The following PDE1A variants were observed in gnomAD, a reference collection of about 807,000 sequenced individuals.
PDE1A encodes phosphodiesterase 1A.
PDE1A carries 35 observed loss-of-function variants against 61.7 expected under a neutral mutation model. The ratio of observed to expected loss-of-function variants is 0.57; its 90% CI spans 0.43 to 0.75. The LOEUF (loss-of-function observed/expected upper bound fraction) is 0.75. Ranked by LOEUF, PDE1A falls within the 30% of genes least tolerant of loss-of-function variation. The pLI is 0.00. For missense variants in PDE1A, 597 were observed against 630.6 expected (o/e 0.95, Z 0.57); for synonymous variants, 232 against 213.2 (o/e 1.09, Z -0.77).
At chr2:182,659,119 T>C in the PDE1A span, among the ~76,000 whole-genome samples, 1 of 152,186 alleles carries the variant, frequency 6.6e-6, no homozygotes, top group South Asian at 2.1e-4. Context: ...TCCATCTCTC[T>C]ATTTGTAAGT....
chr2:182,599,286 A>G, the PDE1A span, among the ~76,000 whole-genome samples: 1 of 152,146 alleles, frequency 6.6e-6, no homozygotes, highest in Admixed American at 6.5e-5. Flanking sequence ...GCTGTCAACT[A>G]AAGCAGCTGC....
At chr2:182,529,429 G>A in the PDE1A span, among the ~76,000 whole-genome samples, 1 of 152,188 alleles carries the variant, frequency 6.6e-6, no homozygotes, top group Non-Finnish European at 1.5e-5. Context: ...TATCTAGAAA[G>A]TAACTAGCTT....
chr2:182,370,129 A>T (rs1470415186), intron 1 of PDE1A, among the ~76,000 whole-genome samples: 2 of 152,094 alleles, frequency 1.3e-5, no homozygotes, highest in East Asian at 3.9e-4. Context: ...GTGAGCTGAG[A>T]TCACACCACT....
chr2:182,498,159 G>A (rs1447733394), intron 2 of PDE1A, among the ~76,000 whole-genome samples: 2 of 151,328 alleles, frequency 1.3e-5, no homozygotes, highest in Admixed American at 6.6e-5. Context: ...TTTGCAATGC[G>A]AGAAGGCAGC....
chr2:182,619,072 G>A, the PDE1A span, among the ~76,000 whole-genome samples: 803 of 151,438 alleles, frequency 5.3e-3, 22 homozygotes, highest in Admixed American at 0.048. Context: ...CGGGGGCAGG[G>A]TTGGAAGATA....
At chr2:182,481,982 G>C (rs574324438) in intron 2 of PDE1A, among the ~76,000 whole-genome samples, 40 of 151,852 alleles carry the variant, frequency 2.6e-4, no homozygotes, top group Admixed American at 7.2e-4. Flanking sequence ...GGAGATATAC[G>C]ATACCTTTAC....
intron 7 of PDE1A, among the ~76,000 whole-genome samples, chr2:182,219,931 C>G (rs1219473476): frequency 6.6e-6 from 1 of 151,990 alleles, no homozygotes; most frequent in African/African-American, 2.4e-5. Flanking sequence ...TTAATAACAA[C>G]AGAGAAAACA....
At chr2:182,223,061 G>A (rs989257454) in intron 7 of PDE1A, among the ~76,000 whole-genome samples, 2 of 152,030 alleles carry the variant, frequency 1.3e-5, no homozygotes, top group African/African-American at 4.8e-5. Context: ...TATTAAGGGT[G>A]TAATTAAAGT....
chr2:182,387,763 AAAAAAAGAAAG>A lies in PDE1A; in HGVS notation c.53+38804_53+38814del, dbSNP rs550851571. Among the ~76,000 whole-genome samples the A allele has an allele frequency of 6.3e-3, 960 of 151,534 alleles. 10 individuals carry two copies. Among genetic ancestry groups the A allele is most frequent in the African/African-American group, 0.021 (862 of 41,506 alleles). ...CAAGAGTAAAACTCCATCTTAAAAAAAAAAAAGAAAGAAAAAAGAAAGAAAGAATCACTCTA... is the reference window on the plus strand; with the variant it reads ...CAAGAGTAAAACTCCATCTTAAAAAAAAAAAAGAAAGAAAGAATCACTCTA... On this transcript the variant is annotated intron_variant, in intron 1 of 13. Transcript: ENST00000351439.
intron 2 of PDE1A, among the ~76,000 whole-genome samples, chr2:182,451,512 A>G (rs944582556): frequency 6.6e-6 from 1 of 152,128 alleles, no homozygotes; most frequent in African/African-American, 2.4e-5. Flanking sequence ...TCATCAGAAA[A>G]TGCTGTACCT....
chr2:182,407,253 AT>A (rs1424060272), intron 1 of PDE1A, among the ~76,000 whole-genome samples: 1 of 152,232 alleles, frequency 6.6e-6, no homozygotes, highest in Non-Finnish European at 1.5e-5. Context: ...CTACTAAAAA[AT>A]CTTCATCAAA....
At chr2:182,627,749 G>C in the PDE1A span, among the ~76,000 whole-genome samples, 1 of 151,452 alleles carries the variant, frequency 6.6e-6, no homozygotes, top group Non-Finnish European at 1.5e-5. Flanking sequence ...TCGAGACCAG[G>C]CTGGCCAAAC....
At chr2:182,368,868 G>A (rs1012810563) in intron 1 of PDE1A, among the ~76,000 whole-genome samples, 1 of 152,106 alleles carries the variant, frequency 6.6e-6, no homozygotes, top group Non-Finnish European at 1.5e-5. Flanking sequence ...TGCCCATAGT[G>A]AACACTCATT....
the PDE1A span, among the ~76,000 whole-genome samples, chr2:182,599,402 C>T: frequency 2.6e-5 from 4 of 152,146 alleles, no homozygotes; most frequent in African/African-American, 7.2e-5. Flanking sequence ...AGCTACAATG[C>T]CTTTTATGAC....
the PDE1A span, among the ~76,000 whole-genome samples, chr2:182,621,219 G>A: frequency 6.6e-6 from 1 of 152,058 alleles, no homozygotes; most frequent in African/African-American, 2.4e-5. Flanking sequence ...ACATCTCCAG[G>A]TAATATCTTA....
chr2:182,354,386 C>T (rs1699062046), intron 1 of PDE1A, among the ~76,000 whole-genome samples: 1 of 152,120 alleles, frequency 6.6e-6, no homozygotes, highest in Non-Finnish European at 1.5e-5. Context: ...GTAGTTTCCC[C>T]TTAAATTAGG....
chr2:182,345,903 T>C (rs1559360065), intron 1 of PDE1A, among the ~76,000 whole-genome samples: 1 of 152,238 alleles, frequency 6.6e-6, no homozygotes, highest in Non-Finnish European at 1.5e-5. Flanking sequence ...ACTTATTTAT[T>C]ACTTTATTGT....
intron 1 of PDE1A, among the ~76,000 whole-genome samples, chr2:182,418,272 C>A (rs1703045017): frequency 1.3e-5 from 2 of 152,050 alleles, no homozygotes; most frequent in Non-Finnish European, 2.9e-5. Flanking sequence ...TGGTAAAAAT[C>A]AATTATTGAA....
At chr2:182,574,589 TA>T in the PDE1A span, among the ~76,000 whole-genome samples, 2 of 152,318 alleles carry the variant, frequency 1.3e-5, no homozygotes, top group Admixed American at 6.5e-5. Context: ...TGTCAAATGA[TA>T]AAGAAAAAAA....
Sources: allele counts gnomAD v4.1 joint callset (sites outside exome capture counted in the v4.1 genomes callset), GRCh38; gene constraint gnomAD v4.1.1; transcripts MANE v1.5; gene names NCBI Gene and HGNC (gene_info 2026-07-23, HGNC 2026-07-21).